SNAP25: variants seen among roughly 807,000 people sequenced by gnomAD.
SNAP25 encodes the protein synaptosome associated protein 25, also known as synaptosomal-associated protein 25.
SNAP25 carries 3 observed loss-of-function variants against 28.7 expected under a neutral mutation model. That is an observed-to-expected ratio of 0.10 (90% confidence interval 0.05 to 0.27). The LOEUF (loss-of-function observed/expected upper bound fraction) is 0.27, where lower values mean the gene tolerates loss of function less well. Among genes scored for constraint, SNAP25 ranks in the 10% least tolerant of loss-of-function variants. The probability of loss-of-function intolerance (pLI) is 1.00; values close to 1 mark genes in which losing one functional copy is unlikely to be tolerated. For missense variants in SNAP25, 117 were observed against 278.7 expected, an observed-to-expected ratio of 0.42 and a Z score of 4.13; for synonymous variants, 61 against 88.1, an observed-to-expected ratio of 0.69 and a Z score of 1.72.
rs76643398 is a variant in SNAP25, at chr20:10,300,737, A to C, written c.552+1325A>C. 3.1e-3 allele frequency among the ~76,000 whole-genome samples: 472 copies of C among 152,300 alleles called. 2 individuals are homozygous for C. The highest frequency in any genetic ancestry group is 0.011 in the African/African-American group (449 of 41,574). ...TGCCTGATCAGTATGAAAACTACGC[A>C]AACTTTAGTGTTGGTTGGCAAAATA... On this transcript the variant is annotated intron_variant, in intron 7 of 7. Transcript: ENST00000254976.
intron 6 of SNAP25, among the ~76,000 whole-genome samples, chr20:10,298,341 T>G (rs1276736266): frequency 2.6e-5 from 4 of 152,240 alleles, no homozygotes; most frequent in Admixed American, 1.3e-4. Context: ...TTTTTAATTT[T>G]CTCTGCCCTG....
chr20:10,226,540 G>A (rs2062737122), intron 1 of SNAP25, among the ~76,000 whole-genome samples: 1 of 152,058 alleles, frequency 6.6e-6, no homozygotes, highest in South Asian at 2.1e-4. Context: ...CCCTCCATGT[G>A]TTATGCTAGG....
chr20:10,235,813 C>T (rs1009292163), intron 1 of SNAP25, among the ~76,000 whole-genome samples: 3 of 152,234 alleles, frequency 2.0e-5, no homozygotes, highest in African/African-American at 7.2e-5. Context: ...TCTCATCCAA[C>T]AGGCTAGCCC....
intron 4 of SNAP25, among the ~76,000 whole-genome samples, chr20:10,287,368 C>T (rs1456191566): frequency 1.3e-5 from 2 of 151,972 alleles, no homozygotes; most frequent in East Asian, 3.8e-4. Context: ...AGACACTTCT[C>T]AAAAGAAGAC....
intron 1 of SNAP25, among the ~76,000 whole-genome samples, chr20:10,259,679 C>T (rs2063379006): frequency 6.6e-6 from 1 of 152,178 alleles, no homozygotes; most frequent in Non-Finnish European, 1.5e-5. Context: ...TCTGGGACTG[C>T]AGGTGCACAC....
chr20:10,306,025 T>G, intron 7 of SNAP25, 104 bp from the exon 8 acceptor site: 3 of 985,350 alleles, frequency 3.0e-6, no homozygotes, highest in South Asian at 1.4e-5. Context: ...ACCAAGGAGG[T>G]TTTAAGTGGT....
intron 4 of SNAP25, among the ~76,000 whole-genome samples, chr20:10,289,733 A>C (rs1170040221): frequency 6.7e-6 from 1 of 149,606 alleles, no homozygotes; most frequent in African/African-American, 2.5e-5. Flanking sequence ...AATAGTATTA[A>C]TGCTTACTAT....
In SNAP25 at chr20:10,306,932, T is replaced by C. The variant is rs2064375242; in HGVS notation, c.*735T>C. 1 of 153,016 alleles carries C rather than the reference T, an allele frequency of 6.5e-6. No individual in the cohort carries two copies. The highest frequency in any genetic ancestry group is 1.5e-5 in the Non-Finnish European group (1 of 68,188). 9.5% of individuals were successfully genotyped at this position (153,016 alleles called of 1,614,324 possible). ...GTGTCACTTTTTTCCTGTCAATATA[T>C]AGAGACTTCTAAATCATAATCATCC... On this transcript the variant is annotated 3_prime_UTR_variant, in exon 8 of 8. Transcript: ENST00000254976.
At chr20:10,292,021 C>T (rs1485990333) in intron 4 of SNAP25, among the ~76,000 whole-genome samples, 1 of 152,184 alleles carries the variant, frequency 6.6e-6, no homozygotes, top group Non-Finnish European at 1.5e-5. Context: ...GATCTATGTA[C>T]TTAGATACAC....
intron 1 of SNAP25, among the ~76,000 whole-genome samples, chr20:10,238,073 G>C (rs1406217599): frequency 6.6e-6 from 1 of 152,150 alleles, no homozygotes; most frequent in African/African-American, 2.4e-5. Flanking sequence ...TACCCTAGGG[G>C]CTGGGATCAC....
At chr20:10,278,948 C>T (rs557615405) in intron 3 of SNAP25, among the ~76,000 whole-genome samples, 68 of 148,242 alleles carry the variant, frequency 4.6e-4, no homozygotes, top group Non-Finnish European at 9.6e-4. Context: ...GAGGGTGGGG[C>T]GAACGTAACA....
At chr20:10,294,652 T>C (rs8123337) in intron 5 of SNAP25, among the ~76,000 whole-genome samples, 2,989 of 152,216 alleles carry the variant, frequency 0.02, 82 homozygotes, top group African/African-American at 0.064. Flanking sequence ...CAAGGAAAGA[T>C]TCAATCAGGT....
At chr20:10,305,789 C>T (rs1208488222) in intron 7 of SNAP25, among the ~76,000 whole-genome samples, 1 of 152,002 alleles carries the variant, frequency 6.6e-6, no homozygotes, top group African/African-American at 2.4e-5. Flanking sequence ...GAATGCCTAC[C>T]ACAGAAGTCA....
At chr20:10,262,633 T>G (rs968105271) in intron 1 of SNAP25, among the ~76,000 whole-genome samples, 1 of 152,172 alleles carries the variant, frequency 6.6e-6, no homozygotes, top group Admixed American at 6.5e-5. Flanking sequence ...TCGGTTGGAT[T>G]CCTCAGAAGC....
At chr20:10,292,609 A>G (rs1049631708) in intron 4 of SNAP25, among the ~76,000 whole-genome samples, 1 of 152,084 alleles carries the variant, frequency 6.6e-6, no homozygotes, top group Non-Finnish European at 1.5e-5. Context: ...GTAAGCGAAT[A>G]TGCTGTGCTG....
intron 1 of SNAP25, among the ~76,000 whole-genome samples, chr20:10,223,079 C>T (rs2062663471): frequency 6.6e-6 from 1 of 152,132 alleles, no homozygotes; most frequent in African/African-American, 2.4e-5. Context: ...TTCTTCTGAG[C>T]ATGTTTTGAG....
At chr20:10,263,164 G>A (rs2063449024) in intron 1 of SNAP25, among the ~76,000 whole-genome samples, 1 of 151,782 alleles carries the variant, frequency 6.6e-6, no homozygotes, top group South Asian at 2.1e-4. Context: ...AACTACAGGC[G>A]CCCGCCACCA....
In SNAP25 at chr20:10,234,036, G is replaced by A. The variant is rs530849590; in HGVS notation, c.-64+15059G>A. ...TTTCTGAAGTTCTCCTTTTGGATAT[G>A]ACAGGCTGGTAACTTAAAAGAACCA... On this transcript the variant is annotated intron_variant, in intron 1 of 7. Coordinates refer to ENST00000254976, the MANE Select transcript of SNAP25 (RefSeq NM_130811.4). Among the ~76,000 whole-genome samples, 7 of 152,248 alleles carry A rather than the reference G, an allele frequency of 4.6e-5. No homozygotes were observed. The East Asian group carries it at 1.4e-3, about 29-fold the overall frequency.
intron 2 of SNAP25, among the ~76,000 whole-genome samples, chr20:10,275,837 G>A (rs1201455357): frequency 6.6e-6 from 1 of 152,172 alleles, no homozygotes; most frequent in East Asian, 1.9e-4. Context: ...ATGTCTTTGG[G>A]TGCCTTAATT....
Sources: allele counts gnomAD v4.1 joint callset (sites outside exome capture counted in the v4.1 genomes callset), GRCh38; gene constraint gnomAD v4.1.1; transcripts MANE v1.5; gene names NCBI Gene and HGNC (gene_info 2026-07-23, HGNC 2026-07-21).